The following MYPN variants were observed in gnomAD, a reference collection of about 807,000 sequenced individuals.
The protein encoded by MYPN is myopalladin, also known as sarcomeric protein myopalladin, 145 kDa (MYOP).
A neutral mutation model predicts 129.4 loss-of-function variants in MYPN; 63 were observed. That is an observed-to-expected ratio of 0.49 (90% CI 0.40 to 0.60). MYPN has a LOEUF of 0.60. Ranked by LOEUF, MYPN falls within the 20% of genes least tolerant of loss-of-function variation. The pLI is 0.00. For synonymous variants in MYPN, 629 were observed against 600.9 expected (o/e 1.05, Z -0.68); for missense variants, 1,596 against 1,635.4 (o/e 0.98, Z 0.42).
chr10:68,150,727 T>C (rs929350388), intron 6 of MYPN, among the ~76,000 whole-genome samples: 1 of 152,222 alleles, frequency 6.6e-6, no homozygotes, highest in Non-Finnish European at 1.5e-5. Context: ...GAATCAGGAC[T>C]ACAAACAAGT....
At chr10:68,155,636 C>G (rs577316848) in intron 6 of MYPN, among the ~76,000 whole-genome samples, 1 of 152,174 alleles carries the variant, frequency 6.6e-6, no homozygotes, top group Non-Finnish European at 1.5e-5. Flanking sequence ...TTGTGATGAA[C>G]GTGATGACAG....
At chr10:68,177,934 G>T (rs1295581135) in intron 12 of MYPN, among the ~76,000 whole-genome samples, 2 of 152,188 alleles carry the variant, frequency 1.3e-5, no homozygotes, top group African/African-American at 4.8e-5. Context: ...ACATTTGCAT[G>T]ATCTAGCATT....
Position 68,171,049 on chromosome 10 carries a change from T to C in MYPN, c.1974-3017T>C, listed in dbSNP as rs1023075782. Among the ~76,000 whole-genome samples, 3 of 150,002 alleles carry C rather than the reference T, an allele frequency of 2.0e-5. No homozygotes were observed. The Admixed American group carries it at 2.0e-4, about 10-fold the overall frequency. ...CTGTCATCCCAGCTACTTAGGAGGC[T>C]GAGGCAGGAGAATCGTTTGAATCTA... On this transcript the variant is annotated intron_variant, in intron 10 of 19. Coordinates refer to ENST00000358913, the MANE Select transcript of MYPN (RefSeq NM_032578.4).
chr10:68,109,305 A>G, upstream of MYPN: 1 of 277,682 alleles, frequency 3.6e-6, no homozygotes, highest in East Asian at 7.8e-5. Context: ...CCAAACGTCA[A>G]TCAATAAATA....
intron 12 of MYPN, among the ~76,000 whole-genome samples, chr10:68,177,327 A>G (rs1397827012): frequency 6.6e-6 from 1 of 152,226 alleles, no homozygotes; most frequent in Non-Finnish European, 1.5e-5. Context: ...TATTTGTGAC[A>G]TATGTCATTC....
At chr10:68,109,480 G>A (rs961917888), upstream of MYPN, 1 of 453,972 alleles carries the variant, frequency 2.2e-6, no homozygotes, top group Non-Finnish European at 4.4e-6. Flanking sequence ...AAATAACTTG[G>A]GACCTGTGAG....
At chr10:68,185,778 T>C (rs2043410771) in intron 12 of MYPN, among the ~76,000 whole-genome samples, 1 of 152,182 alleles carries the variant, frequency 6.6e-6, no homozygotes, top group Non-Finnish European at 1.5e-5. Flanking sequence ...AAAAGAAAAG[T>C]AATATCAATT....
In MYPN at chr10:68,197,389, C is replaced by T; in HGVS notation, c.3196C>T (p.Leu1066=). The T allele has an allele frequency of 6.2e-7, 1 of 1,613,966 alleles. No individual in the cohort carries two copies. The highest frequency in any genetic ancestry group is 8.5e-7 in the Non-Finnish European group (1 of 1,179,928). Residue 1066 remains leucine (L), a synonymous_variant, in exon 16 of 20, where the codon CTA becomes TTA. Transcript: ENST00000358913. ...SRVQERDKEP[L]QERFFRPHFL... is the part of the protein sequence containing the mutation. ...AGTGCAAGAAAGAGACAAAGAGCCC[C>T]TACAGGAACGCTTTTTCCGACCACA...
At chr10:68,101,288 C>T (rs372410874), upstream of MYPN, among the ~76,000 whole-genome samples, 37 of 152,064 alleles carry the variant, frequency 2.4e-4, no homozygotes, top group East Asian at 2.7e-3. Flanking sequence ...AACAAAGGCA[C>T]GAAGTAAAGA....
chr10:68,145,457 T>C lies in MYPN; in HGVS notation c.1079-18T>C, dbSNP rs114932559. 4.8e-4 allele frequency: 768 copies of C among 1,607,706 alleles called. 5 individuals carry two copies. The African/African-American group carries it at 9.2e-3, about 19-fold the overall frequency. Reference sequence around the variant, plus strand: ...ATTGTCATCTTAACAATCTTATGTCTTGTTTTTATTTTTCCAGGGGTTTCT... The same window carrying C: ...ATTGTCATCTTAACAATCTTATGTCCTGTTTTTATTTTTCCAGGGGTTTCT... On this transcript the variant is annotated intron_variant, in intron 3 of 19. Coordinates refer to ENST00000358913, the MANE Select transcript of MYPN (RefSeq NM_032578.4).
At position 68,197,387 on chromosome 10, in the gene MYPN, C is replaced by T. The variant is rs767985209; in HGVS notation, c.3194C>T (p.Pro1065Leu). 1 of 1,613,778 alleles carries T rather than the reference C, an allele frequency of 6.2e-7. No individual in the cohort carries two copies. The highest frequency in any genetic ancestry group is 1.3e-5 in the African/African-American group (1 of 74,880). The stretch of plus-strand genomic sequence containing the variant: ...CGAGTGCAAGAAAGAGACAAAGAGC[C>T]CCTACAGGAACGCTTTTTCCGACCA... ...RSRVQERDKEPLQERFFRPHF... is the reference protein window; with the variant it reads ...RSRVQERDKELLQERFFRPHF... The change falls in exon 16 of 20, where the codon CCC becomes CTC. Residue 1065 changes from proline (P) to leucine (L), a missense_variant. Pro to Leu is a moderately conservative substitution (Grantham distance 98). Transcript: ENST00000358913.
intron 7 of MYPN, among the ~76,000 whole-genome samples, chr10:68,160,125 A>G (rs1157615350): frequency 6.6e-6 from 1 of 152,094 alleles, no homozygotes; most frequent in Non-Finnish European, 1.5e-5. Flanking sequence ...AAACTGAGAG[A>G]TGCCGGGCAC....
upstream of MYPN, chr10:68,106,831 C>T (rs2042017872): frequency 1.4e-6 from 1 of 716,490 alleles, no homozygotes; most frequent in Non-Finnish European, 2.6e-6. Context: ...GGCTGACTGA[C>T]TGAATTAAGA....
intron 6 of MYPN, among the ~76,000 whole-genome samples, chr10:68,156,761 T>C (rs2042882114): frequency 6.6e-6 from 1 of 152,190 alleles, no homozygotes; most frequent in Non-Finnish European, 1.5e-5. Context: ...TAACAGCGAA[T>C]GACAAAAGAG....
At chr10:68,124,231 A>G (rs2042293254) in intron 2 of MYPN, among the ~76,000 whole-genome samples, 1 of 152,176 alleles carries the variant, frequency 6.6e-6, no homozygotes, top group Non-Finnish European at 1.5e-5. Context: ...AACATGTCCT[A>G]CTTTTGATTT....
chr10:68,122,129 C>G lies in MYPN; in HGVS notation c.691C>G (p.Gln231Glu). 1.2e-6 allele frequency: 2 copies of G among 1,613,888 alleles called. No homozygotes were observed. The highest frequency in any genetic ancestry group is 1.7e-6 in the Non-Finnish European group (2 of 1,179,830). Residue 231 changes from glutamine (Q) to glutamate (E), a missense_variant, in exon 2 of 20, where the codon CAG becomes GAG. Transcript: ENST00000358913. ...DNEVNHALEQ[Q>E]EAKRREAEQA... is the part of the protein sequence containing the mutation. ...TGAAGTGAATCACGCCCTGGAACAG[C>G]AGGAAGCCAAGAGGCGTGAAGCGGA...
At position 68,211,959 on chromosome 10, in the gene MYPN, C is replaced by A; in HGVS notation, c.*1504C>A. The A allele has an allele frequency of 2.7e-6, 1 of 367,824 alleles. No individual in the cohort carries two copies. 22.8% of individuals were successfully genotyped at this position (367,824 alleles called of 1,614,324 possible). On this transcript the variant is annotated 3_prime_UTR_variant, in exon 20 of 20. Transcript: ENST00000358913. ...AGTAACTGCTTAGAAAGGCTTGAAA[C>A]TGTCTTCACTTCAAGGCAAGGATTT...
chr10:68,150,996 C>T (rs1220677637), intron 6 of MYPN, among the ~76,000 whole-genome samples: 4 of 152,248 alleles, frequency 2.6e-5, no homozygotes, highest in South Asian at 4.1e-4. Context: ...GTCATTGGCA[C>T]TTTTGTTGTC....
chr10:68,091,006 C>T (rs2041928623), intron 1 of MYPN, among the ~76,000 whole-genome samples: 1 of 152,172 alleles, frequency 6.6e-6, no homozygotes, highest in Non-Finnish European at 1.5e-5. Flanking sequence ...AGTACTAGGT[C>T]AGCCAGAATT....
Sources: gnomAD v4.1 joint callset for allele counts (sites outside exome capture counted in the v4.1 genomes callset) on GRCh38, gnomAD v4.1.1 for gene constraint, MANE v1.5 for transcripts, NCBI Gene and HGNC (gene_info 2026-07-23, HGNC 2026-07-21) for gene names.